TPD52L1: variants seen among roughly 807,000 people sequenced by gnomAD.
TPD52L1 encodes the protein TPD52 like 1.
TPD52L1 carries 18 observed loss-of-function variants against 28.7 expected under a neutral mutation model. The ratio of observed to expected loss-of-function variants is 0.63; its 90% confidence interval spans 0.43 to 0.93. The LOEUF (loss-of-function observed/expected upper bound fraction) is 0.93. TPD52L1 is among the 40% of genes least tolerant of loss of function. The probability of loss-of-function intolerance (pLI) is 0.00; values close to 1 mark genes in which losing one functional copy is unlikely to be tolerated. For synonymous variants in TPD52L1, 75 were observed against 88.8 expected, an observed-to-expected ratio of 0.84 and a Z score of 0.88; for missense variants, 203 against 254.8, an observed-to-expected ratio of 0.80 and a Z score of 1.39.
chr6:125,261,023 GAAAA>G lies in TPD52L1; in HGVS notation c.487-1810_487-1807del, dbSNP rs1352615708. The G allele has an allele frequency of 9.8e-3, 494 of 50,228 alleles. 19 individuals are homozygous for G. The highest frequency in any genetic ancestry group is 0.021 in the Middle Eastern group (2 of 94). 3.1% of individuals were successfully genotyped at this position (50,228 alleles called of 1,614,324 possible). On this transcript the variant is annotated intron_variant, in intron 6 of 6. Coordinates refer to ENST00000534000, the MANE Select transcript of TPD52L1 (RefSeq NM_003287.4). Reference sequence around the variant, plus strand: ...GAAAGAAAGAAAGAAAGAAAGAAAAGAAAAGAAAGAAAGAAAGAAAGAAAGAAAA... The same window carrying G: ...GAAAGAAAGAAAGAAAGAAAGAAAAGGAAAGAAAGAAAGAAAGAAAGAAAA...
chr6:125,172,166 TTTC>T (rs1562211949), intron 1 of TPD52L1, among the ~76,000 whole-genome samples: 334 of 67,018 alleles, frequency 5.0e-3, no homozygotes, highest in Middle Eastern at 0.013. Flanking sequence ...CTTTTCTTTC[TTTC>T]TTTCTTTCTT....
chr6:125,240,721 T>C (rs1796567418), intron 3 of TPD52L1, among the ~76,000 whole-genome samples: 1 of 152,132 alleles, frequency 6.6e-6, no homozygotes. Context: ...CTAGTAGCTT[T>C]TTGGATGAGT....
chr6:125,184,666 T>C (rs749570752), intron 1 of TPD52L1, among the ~76,000 whole-genome samples: 3 of 152,204 alleles, frequency 2.0e-5, no homozygotes, highest in East Asian at 1.9e-4. Flanking sequence ...TTTCAGAACA[T>C]TTTAATACAA....
At chr6:125,209,791 C>A (rs1416745284) in intron 1 of TPD52L1, among the ~76,000 whole-genome samples, 1 of 152,134 alleles carries the variant, frequency 6.6e-6, no homozygotes, top group East Asian at 1.9e-4. Context: ...GGTTTAGACT[C>A]CTAGACCATT....
rs375830493 is a variant in TPD52L1, at chr6:125,153,928, G to T, written c.-24G>T. Reference sequence around the variant, plus strand: ...TGGGAAGCACCAGGGTGTCCCCGCCGCCCTCAGCTCGAAGTCAGCCACCAT... The same window carrying T: ...TGGGAAGCACCAGGGTGTCCCCGCCTCCCTCAGCTCGAAGTCAGCCACCAT... On this transcript the variant is annotated 5_prime_UTR_variant, in exon 1 of 7. Coordinates refer to ENST00000534000, the MANE Select transcript of TPD52L1 (RefSeq NM_003287.4). 4.7e-5 allele frequency: 75 copies of T among 1,601,316 alleles called. 1 individual carries two copies. The Admixed American group carries it at 1.2e-3, about 26-fold the overall frequency.
At chr6:125,221,769 A>G (rs1300446116) in intron 2 of TPD52L1, 2 of 152,224 alleles carry the variant, frequency 1.3e-5, no homozygotes, top group Admixed American at 6.5e-5. Flanking sequence ...CACTTCCAGA[A>G]CATTTCACTC....
At chr6:125,222,793 A>T (rs1361436419) in intron 2 of TPD52L1, among the ~76,000 whole-genome samples, 1 of 152,128 alleles carries the variant, frequency 6.6e-6, no homozygotes, top group Non-Finnish European at 1.5e-5. Flanking sequence ...ACCAGAGAAG[A>T]CCTCTTTTAT....
At position 125,202,953 on chromosome 6, in the gene TPD52L1, A is replaced by G. The variant is rs1292932739; in HGVS notation, c.20-17125A>G. ...GCTAATTTTTGTACTTTTAGTAGAG[A>G]TGGGGTTTCACCATGTTGGCCAGGC... is the stretch of plus-strand genomic sequence containing the variant. On this transcript the variant is annotated intron_variant, in intron 1 of 6. Transcript: ENST00000534000. Among the ~76,000 whole-genome samples, 5 of 151,812 alleles carry G rather than the reference A, an allele frequency of 3.3e-5. No homozygotes were observed. The East Asian group carries it at 9.7e-4, about 29-fold the overall frequency.
intron 3 of TPD52L1, 115 bp from the exon 4 acceptor site, chr6:125,248,167 C>T: frequency 1.2e-6 from 1 of 847,162 alleles, no homozygotes; most frequent in South Asian, 1.6e-5. Context: ...TTTTGTGGAT[C>T]TTCTTCCTAA....
At chr6:125,167,058 A>T (rs369890769) in intron 1 of TPD52L1, among the ~76,000 whole-genome samples, 15 of 152,200 alleles carry the variant, frequency 9.9e-5, no homozygotes, top group Admixed American at 7.2e-4. Flanking sequence ...GGAGCTCAAG[A>T]CCAGCCCAGG....
At chr6:125,254,172 T>G (rs551180384) in intron 5 of TPD52L1, among the ~76,000 whole-genome samples, 3 of 152,240 alleles carry the variant, frequency 2.0e-5, no homozygotes, top group Non-Finnish European at 4.4e-5. Flanking sequence ...CAAGTTTAAA[T>G]GCAAGGCTAA....
At chr6:125,213,358 C>A (rs777631973) in intron 1 of TPD52L1, among the ~76,000 whole-genome samples, 2 of 152,126 alleles carry the variant, frequency 1.3e-5, no homozygotes, top group Non-Finnish European at 2.9e-5. Flanking sequence ...AAGGACTATG[C>A]AGTGCCTTGT....
chr6:125,201,275 G>A (rs1163270053), intron 1 of TPD52L1, among the ~76,000 whole-genome samples: 4 of 152,200 alleles, frequency 2.6e-5, no homozygotes, highest in Non-Finnish European at 5.9e-5. Flanking sequence ...ATAACCATAT[G>A]TGACTCAGAT....
chr6:125,187,477 T>C (rs1582887006), intron 1 of TPD52L1, among the ~76,000 whole-genome samples: 1 of 152,154 alleles, frequency 6.6e-6, no homozygotes, highest in African/African-American at 2.4e-5. Context: ...TATAGTAGGG[T>C]AGGCAGACCC....
chr6:125,263,303 T>C lies in TPD52L1; in HGVS notation c.*341T>C, dbSNP rs1583041856. 1.2e-5 allele frequency: 3 copies of C among 257,500 alleles called. No individual in the cohort carries two copies. In the East Asian group the frequency reaches 2.9e-4, roughly 25 times the overall value. The allele number at this position is 257,500 out of a possible 1,614,324, so 16.0% of individuals were successfully genotyped here. On this transcript the variant is annotated 3_prime_UTR_variant, in exon 7 of 7. Transcript: ENST00000534000. ...TTGCTTTGATTTTTGCTTGGCCTCC[T>C]TTATGATGTGCATGTCCTTGAAGGC...
chr6:125,190,556 T>C (rs1400055111), intron 1 of TPD52L1, among the ~76,000 whole-genome samples: 1 of 152,182 alleles, frequency 6.6e-6, no homozygotes, highest in African/African-American at 2.4e-5. Flanking sequence ...CTGAGCACTT[T>C]ATTTCTATTA....
chr6:125,234,815 G>A (rs1249235947), intron 3 of TPD52L1, among the ~76,000 whole-genome samples: 1 of 152,046 alleles, frequency 6.6e-6, no homozygotes, highest in African/African-American at 2.4e-5. Context: ...ATACATCATT[G>A]AGTGCCATGG....
chr6:125,217,640 C>G (rs930367708), intron 1 of TPD52L1, among the ~76,000 whole-genome samples: 6 of 152,194 alleles, frequency 3.9e-5, no homozygotes, highest in African/African-American at 1.4e-4. Flanking sequence ...TGGTTCCTAA[C>G]AGGTAACAGA....
intron 3 of TPD52L1, among the ~76,000 whole-genome samples, chr6:125,247,785 C>G (rs1583010798): frequency 6.6e-6 from 1 of 152,068 alleles, no homozygotes; most frequent in Non-Finnish European, 1.5e-5. Flanking sequence ...TTTATTATTC[C>G]CAGCTATAAA....
Sources: allele counts gnomAD v4.1 joint callset (sites outside exome capture counted in the v4.1 genomes callset), GRCh38; gene constraint gnomAD v4.1.1; transcripts MANE v1.5; gene names NCBI Gene and HGNC (gene_info 2026-07-23, HGNC 2026-07-21).